The following RBM26 variants were observed in gnomAD, a reference collection of about 807,000 sequenced individuals.
The protein encoded by RBM26 is RNA binding motif protein 26.
Under a neutral mutation model 123.6 loss-of-function variants are expected in RBM26, and 30 were observed. The observed-to-expected ratio is 0.24, with a 90% CI of 0.18 to 0.33. The LOEUF (loss-of-function observed/expected upper bound fraction) is 0.33. RBM26 is among the 10% of genes least tolerant of loss of function. The pLI, the probability that RBM26 is intolerant of heterozygous loss-of-function variation, is 1.00. For missense variants in RBM26, 947 were observed against 1,203.6 expected, an observed-to-expected ratio of 0.79 and a Z score of 3.15; for synonymous variants, 400 against 404.4, an observed-to-expected ratio of 0.99 and a Z score of 0.13.
At chr13:79,353,534 T>C (rs542314379) in intron 13 of RBM26, among the ~76,000 whole-genome samples, 1 of 152,348 alleles carries the variant, frequency 6.6e-6, no homozygotes, top group African/African-American at 2.4e-5. Context: ...AATTAAAATA[T>C]ATGCCCACTT....
intron 20 of RBM26, among the ~76,000 whole-genome samples, chr13:79,326,613 C>G (rs746068730): frequency 7.2e-5 from 11 of 152,128 alleles, no homozygotes; most frequent in Non-Finnish European, 1.2e-4. Context: ...CAAATCATTT[C>G]TACAAAACAG....
chr13:79,346,804 C>T (rs1490687364), intron 14 of RBM26, among the ~76,000 whole-genome samples: 1 of 152,104 alleles, frequency 6.6e-6, no homozygotes, highest in Non-Finnish European at 1.5e-5. Flanking sequence ...AAAGACAAGA[C>T]AATATATTAG....
At chr13:79,387,365 T>C (rs2077578874) in intron 1 of RBM26, among the ~76,000 whole-genome samples, 1 of 152,130 alleles carries the variant, frequency 6.6e-6, no homozygotes, top group South Asian at 2.1e-4. Context: ...TTAAGTCCTA[T>C]ATTACCTTTC....
chr13:79,350,845 C>T (rs879830370), intron 14 of RBM26, among the ~76,000 whole-genome samples: 1 of 151,968 alleles, frequency 6.6e-6, no homozygotes, highest in African/African-American at 2.4e-5. Context: ...CCCAAACCCC[C>T]TAAGGATTAG....
rs2071594867 is a variant in RBM26 at position 79,342,561 on chromosome 13, T to C, written c.2427+103A>G. The C allele has an allele frequency of 2.5e-5, 23 of 923,094 alleles. 2 individuals carry two copies. The South Asian group carries it at 3.6e-4, about 15-fold the overall frequency. The allele number at this position is 923,094 out of a possible 1,614,324, so 57.2% of individuals were successfully genotyped here. A position where few individuals can be genotyped will look rare whatever the true frequency, so the allele number is the denominator to read the frequency against. On this transcript the variant is annotated intron_variant, in intron 17 of 21. Coordinates refer to ENST00000438737, the MANE Select transcript of RBM26 (RefSeq NM_001366735.2). Reference sequence around the variant, plus strand: ...GAGAATGGTACATACAATGGTCAGATTTTGAACAGAAGATATTACCTACAA... The same window carrying C: ...GAGAATGGTACATACAATGGTCAGACTTTGAACAGAAGATATTACCTACAA...
chr13:79,336,460 G>C (rs2070421293), intron 19 of RBM26, among the ~76,000 whole-genome samples: 1 of 151,934 alleles, frequency 6.6e-6, no homozygotes, highest in Non-Finnish European at 1.5e-5. Flanking sequence ...ACCAACCTTT[G>C]GGATACCACT....
At position 79,385,465 on chromosome 13, in the gene RBM26, A is replaced by G. The variant is rs187425974; in HGVS notation, c.72-6558T>C. 2.7e-3 allele frequency among the ~76,000 whole-genome samples: 411 copies of G among 152,300 alleles called. 3 individuals carry two copies. Among genetic ancestry groups the G allele is most frequent in the African/African-American group, 9.5e-3 (395 of 41,578 alleles). On this transcript the variant is annotated intron_variant, in intron 1 of 21. Coordinates refer to ENST00000438737, the MANE Select transcript of RBM26 (RefSeq NM_001366735.2). ...AAAATGTATCACAATACATGTAATT[A>G]TAACACTGAAAACTATTGGCCAGTT...
chr13:79,353,056 A>G (rs2073478997), intron 14 of RBM26, 97 bp downstream of exon 14: 1 of 634,256 alleles, frequency 1.6e-6, no homozygotes, highest in East Asian at 2.9e-5. Context: ...ACTATTAAGA[A>G]GCAAGAGTTT....
intron 1 of RBM26, among the ~76,000 whole-genome samples, chr13:79,396,714 G>A (rs77569749): frequency 0.028 from 4,251 of 152,126 alleles, 161 homozygotes; most frequent in African/African-American, 0.083. Context: ...CAGAAAAACG[G>A]AGGATAGAAT....
chr13:79,344,157 G>C (rs534968670), intron 16 of RBM26, 91 bp downstream of exon 16: 92 of 835,694 alleles, frequency 1.1e-4, no homozygotes, highest in Non-Finnish European at 1.8e-4. Context: ...ACCAATTATA[G>C]TAAATCTTTT....
At chr13:79,316,748 T>TA (rs1213814536), downstream of RBM26, among the ~76,000 whole-genome samples, 1 of 151,632 alleles carries the variant, frequency 6.6e-6, no homozygotes, top group Admixed American at 6.6e-5. Context: ...GTGAAATAAG[T>TA]AAAACGACAA....
At chr13:79,383,287 A>G (rs961974618) in intron 1 of RBM26, among the ~76,000 whole-genome samples, 1 of 152,200 alleles carries the variant, frequency 6.6e-6, no homozygotes. Flanking sequence ...GTGCAAATAT[A>G]TGAAATATAA....
Position 79,320,470 on chromosome 13 carries a change from A to G in RBM26, c.*151T>C. 2 of 1,262,102 alleles carry G rather than the reference A, an allele frequency of 1.6e-6. No individual in the cohort carries two copies. The highest frequency in any genetic ancestry group is 1.0e-6 in the Non-Finnish European group (1 of 1,000,148). 78.2% of individuals were successfully genotyped at this position (1,262,102 alleles called of 1,614,324 possible). ...TCAATCTTTCAAAATACAAGATCAG[A>G]AGGTAGTTTTCTTCTTTTTTGTCTA... On this transcript the variant is annotated 3_prime_UTR_variant, in exon 22 of 22. Transcript: ENST00000438737.
At chr13:79,340,035 TTTAAA>T (rs1424548403) in intron 18 of RBM26, among the ~76,000 whole-genome samples, 1 of 152,148 alleles carries the variant, frequency 6.6e-6, no homozygotes, top group Non-Finnish European at 1.5e-5. Context: ...CTATTATTTA[TTTAAA>T]TTATGGGCCA....
intron 20 of RBM26, among the ~76,000 whole-genome samples, chr13:79,324,198 C>T (rs1240626369): frequency 6.6e-6 from 1 of 151,712 alleles, no homozygotes; most frequent in East Asian, 1.9e-4. Flanking sequence ...TATTTTTCTA[C>T]ACACATACTG....
chr13:79,399,545 T>A (rs1050740736), intron 1 of RBM26, among the ~76,000 whole-genome samples: 4 of 152,158 alleles, frequency 2.6e-5, no homozygotes, highest in African/African-American at 9.7e-5. Flanking sequence ...GAAAAGATAA[T>A]TTAAAGCAAA....
At chr13:79,351,571 C>T (rs1391699111) in intron 14 of RBM26, among the ~76,000 whole-genome samples, 1 of 135,456 alleles carries the variant, frequency 7.4e-6, no homozygotes, top group Non-Finnish European at 1.6e-5. Flanking sequence ...GACTTTCACT[C>T]TTTAAATAAT....
In RBM26 at chr13:79,319,054, C is replaced by T. The variant is rs566638796; in HGVS notation, c.*1567G>A. The T allele has an allele frequency of 2.5e-5, 25 of 984,118 alleles. No homozygotes were observed. The East Asian group carries it at 5.7e-4, about 22-fold the overall frequency. The allele number at this position is 984,118 out of a possible 1,614,324, so 61.0% of individuals were successfully genotyped here. A position where few individuals can be genotyped will look rare whatever the true frequency, so the allele number is the denominator to read the frequency against. ...CTGATTTTGAAATTTTAAATATAAACGTAGACACGAATTGCAAGGCAAAGC... is the reference window on the plus strand; with the variant it reads ...CTGATTTTGAAATTTTAAATATAAATGTAGACACGAATTGCAAGGCAAAGC... On this transcript the variant is annotated 3_prime_UTR_variant, in exon 22 of 22. Coordinates refer to ENST00000438737, the MANE Select transcript of RBM26 (RefSeq NM_001366735.2).
intron 20 of RBM26, among the ~76,000 whole-genome samples, chr13:79,329,294 G>A (rs1408658): frequency 0.5 from 76,189 of 151,182 alleles, 19,523 homozygotes; most frequent in Middle Eastern, 0.59. Flanking sequence ...GTATCAGTAT[G>A]AGCTCTAAAT....
Sources: gnomAD v4.1 joint callset for allele counts (sites outside exome capture counted in the v4.1 genomes callset) on GRCh38, gnomAD v4.1.1 for gene constraint, MANE v1.5 for transcripts, NCBI Gene and HGNC (gene_info 2026-07-23, HGNC 2026-07-21) for gene names.